The following EYA3 variants were observed in gnomAD, a reference collection of about 807,000 sequenced individuals.
EYA3 encodes EYA transcriptional coactivator and phosphatase 3.
Under a neutral mutation model 80.0 loss-of-function variants are expected in EYA3, and 39 were observed. The observed-to-expected ratio is 0.49, with a 90% CI of 0.38 to 0.64. The LOEUF (loss-of-function observed/expected upper bound fraction) is 0.64, where lower values mean the gene tolerates loss of function less well. Among genes scored for constraint, EYA3 ranks in the 30% least tolerant of loss-of-function variants. The probability of loss-of-function intolerance (pLI) is 0.00; values close to 1 mark genes in which losing one functional copy is unlikely to be tolerated. For synonymous variants in EYA3, 206 were observed against 232.8 expected, an observed-to-expected ratio of 0.88 and a Z score of 1.05; for missense variants, 523 against 676.1, an observed-to-expected ratio of 0.77 and a Z score of 2.51.
At chr1:28,010,237 TTA>T (rs1355571881) in intron 10 of EYA3, among the ~76,000 whole-genome samples, 1 of 152,136 alleles carries the variant, frequency 6.6e-6, no homozygotes, top group African/African-American at 2.4e-5. Flanking sequence ...TGCATGACCT[TTA>T]TGTCTTTAAT....
rs1304618274 is a variant in EYA3 at position 27,974,093 on chromosome 1, A to G, written c.*373T>C. Reference sequence around the variant, plus strand: ...TTTGAAAACAAAAAAACAAAAACAAAACACAGAAAAATTAAAAGCACTGTA... The same window carrying G: ...TTTGAAAACAAAAAAACAAAAACAAGACACAGAAAAATTAAAAGCACTGTA... On this transcript the variant is annotated 3_prime_UTR_variant, in exon 18 of 18. Coordinates refer to ENST00000373871, the MANE Select transcript of EYA3 (RefSeq NM_001990.4). The G allele has an allele frequency of 6.4e-6, 1 of 155,278 alleles. No individual in the cohort carries two copies. The highest frequency in any genetic ancestry group is 2.4e-5 in the African/African-American group (1 of 41,536). The allele number at this position is 155,278 out of a possible 1,614,324, so 9.6% of individuals were successfully genotyped here. A position where few individuals can be genotyped will look rare whatever the true frequency, so the allele number is the denominator to read the frequency against.
In EYA3 at chr1:28,013,027, A is replaced by T. The variant is rs777440281; in HGVS notation, c.769+84T>A. On this transcript the variant is annotated intron_variant, in intron 9 of 17. Coordinates refer to ENST00000373871, the MANE Select transcript of EYA3 (RefSeq NM_001990.4). The surrounding 1 kb of genome is among the most constrained non-coding windows in gnomAD (Gnocchi z 4.0). ...GCATGGTAACAATGACTTAAGACAG[A>T]ACAAAATCATCCTTACCATTGCCTA... The T allele has an allele frequency of 4.2e-6, 6 of 1,424,612 alleles. No individual in the cohort carries two copies. Among genetic ancestry groups the T allele is most frequent in the Non-Finnish European group, 5.8e-6 (6 of 1,040,550 alleles). The allele number at this position is 1,424,612 out of a possible 1,614,324, so 88.2% of individuals were successfully genotyped here.
intron 1 of EYA3, among the ~76,000 whole-genome samples, chr1:28,059,103 C>G (rs1644528304): frequency 6.6e-6 from 1 of 152,160 alleles, no homozygotes; most frequent in African/African-American, 2.4e-5. Context: ...AAACCAAAAA[C>G]TTGTTATGCC....
intron 1 of EYA3, among the ~76,000 whole-genome samples, chr1:28,063,019 A>AT (rs1439293219): frequency 6.6e-6 from 1 of 151,650 alleles, no homozygotes; most frequent in East Asian, 1.9e-4. Flanking sequence ...AAAAAAAAAA[A>AT]AAAAAAGCAC....
In EYA3 at chr1:27,972,324, C is replaced by T. The variant is rs1571683274; in HGVS notation, c.*2142G>A. The T allele has an allele frequency of 1.3e-5, 2 of 152,178 alleles. No homozygotes were observed. The highest frequency in any genetic ancestry group is 2.9e-5 in the Non-Finnish European group (2 of 68,038). 9.4% of individuals were successfully genotyped at this position (152,178 alleles called of 1,614,324 possible). ...ATGCTGAATACAGACCAAGGGAAGG[C>T]CTACCTCACACTACATCTCCCTCCT... On this transcript the variant is annotated 3_prime_UTR_variant, in exon 18 of 18. Transcript: ENST00000373871.
intron 1 of EYA3, among the ~76,000 whole-genome samples, chr1:28,081,829 C>A (rs543296965): frequency 3.9e-5 from 6 of 152,194 alleles, no homozygotes; most frequent in African/African-American, 1.4e-4. Flanking sequence ...ACCAATTTTC[C>A]TAAATTCAGT....
At chr1:28,029,751 A>G (rs1482745585) in intron 6 of EYA3, among the ~76,000 whole-genome samples, 1 of 151,968 alleles carries the variant, frequency 6.6e-6, no homozygotes, top group African/African-American at 2.4e-5. Context: ...ATGTACCACC[A>G]TGCCTGGCTA....
intron 6 of EYA3, among the ~76,000 whole-genome samples, chr1:28,034,415 T>C (rs1444473707): frequency 6.6e-6 from 1 of 152,086 alleles, no homozygotes; most frequent in Admixed American, 6.5e-5. Context: ...TTTCAAAAGG[T>C]CCATTCAGTG....
At chr1:28,055,718 ACCTCC>A (rs1571911460) in intron 2 of EYA3, among the ~76,000 whole-genome samples, 1 of 151,738 alleles carries the variant, frequency 6.6e-6, no homozygotes, top group East Asian at 1.9e-4. Flanking sequence ...TGATCCACCC[ACCTCC>A]ACCACCCAAA....
Position 28,025,144 on chromosome 1 carries a change from T to G in EYA3, c.499+2645A>C, listed in dbSNP as rs114873188. ...GAGAGTAATATTGATAGTGGTGAACTTAAGTAATTTAATACCAATAATACC... is the reference window on the plus strand; with the variant it reads ...GAGAGTAATATTGATAGTGGTGAACGTAAGTAATTTAATACCAATAATACC... On this transcript the variant is annotated intron_variant, in intron 7 of 17. Transcript: ENST00000373871. Among the ~76,000 whole-genome samples the G allele has an allele frequency of 1.1e-3, 168 of 152,314 alleles. 1 individual carries two copies. The highest frequency in any genetic ancestry group is 3.8e-3 in the African/African-American group (160 of 41,562).
At chr1:28,016,648 A>G (rs1642091407) in intron 8 of EYA3, among the ~76,000 whole-genome samples, 1 of 152,132 alleles carries the variant, frequency 6.6e-6, no homozygotes. Flanking sequence ...GAGAAAACAA[A>G]TCAAAACAAA....
At chr1:28,021,375 G>T (rs1003895548) in intron 7 of EYA3, among the ~76,000 whole-genome samples, 2 of 151,972 alleles carry the variant, frequency 1.3e-5, no homozygotes, top group Non-Finnish European at 2.9e-5. Flanking sequence ...CTTAATCACA[G>T]TGATCAATTT....
At chr1:28,007,420 C>T (rs951429154) in intron 10 of EYA3, among the ~76,000 whole-genome samples, 8 of 151,246 alleles carry the variant, frequency 5.3e-5, no homozygotes, top group East Asian at 1.9e-4. Flanking sequence ...CTGCAACCTC[C>T]GCCTCCCAGG....
chr1:28,017,575 A>G (rs1257097312), intron 7 of EYA3, among the ~76,000 whole-genome samples: 3 of 152,212 alleles, frequency 2.0e-5, no homozygotes, highest in African/African-American at 7.2e-5. Context: ...CAGAGGCTGA[A>G]AAATGACTCA....
intron 1 of EYA3, among the ~76,000 whole-genome samples, chr1:28,081,897 T>C (rs1218527597): frequency 6.6e-6 from 1 of 152,180 alleles, no homozygotes; most frequent in Non-Finnish European, 1.5e-5. Flanking sequence ...TTAAATACAC[T>C]GATTATCAGA....
At chr1:27,977,253 G>T in intron 17 of EYA3, 1 of 1,538,874 alleles carries the variant, frequency 6.5e-7, no homozygotes, top group South Asian at 1.2e-5. Flanking sequence ...ATGAAAACAT[G>T]AGATAATAAT....
chr1:28,019,109 T>C (rs1447112323), intron 7 of EYA3, among the ~76,000 whole-genome samples: 1 of 152,158 alleles, frequency 6.6e-6, no homozygotes, highest in Non-Finnish European at 1.5e-5. Flanking sequence ...GAGGTTGCAG[T>C]GAGCTGAGAT....
Position 28,003,503 on chromosome 1 carries a change from A to C in EYA3, c.993+833T>G, listed in dbSNP as rs571511922. On this transcript the variant is annotated intron_variant, in intron 11 of 17. Transcript: ENST00000373871. ...AACAAACAAACAAACAAACAAAAAA[A>C]CCCACACCTACTAACAAAAACATTA... Among the ~76,000 whole-genome samples the C allele has an allele frequency of 2.0e-3, 298 of 152,224 alleles. 2 individuals are homozygous for C. The highest frequency in any genetic ancestry group is 7.0e-3 in the African/African-American group (289 of 41,546).
At chr1:28,082,993 T>G (rs1645486148) in intron 1 of EYA3, among the ~76,000 whole-genome samples, 1 of 152,186 alleles carries the variant, frequency 6.6e-6, no homozygotes, top group Non-Finnish European at 1.5e-5. Context: ...AAACCCTCCT[T>G]AAGGTTCCTA....
Sources: gnomAD v4.1 joint callset for allele counts (sites outside exome capture counted in the v4.1 genomes callset) on GRCh38, gnomAD v4.1.1 for gene constraint, Gnocchi (gnomAD v3.1) non-coding constraint, MANE v1.5 for transcripts, NCBI Gene and HGNC (gene_info 2026-07-23, HGNC 2026-07-21) for gene names.